Variants in FANCB observed in about 807,000 individuals in gnomAD.
FANCB encodes the protein Fanconi anemia group B protein.
In FANCB, 5 loss-of-function variants were observed where a neutral mutation model predicts 38.9. That is an observed-to-expected ratio of 0.13 (90% CI 0.07 to 0.27). The LOEUF (loss-of-function observed/expected upper bound fraction) is 0.27, where lower values mean the gene tolerates loss of function less well. Among genes scored for constraint, FANCB ranks in the 10% least tolerant of loss-of-function variants. The pLI is 1.00. For synonymous variants in FANCB, 236 were observed against 215.4 expected, an observed-to-expected ratio of 1.10 and a Z score of -0.84; for missense variants, 573 against 602.7, an observed-to-expected ratio of 0.95 and a Z score of 0.52.
the FANCB span, among the ~76,000 whole-genome samples, chrX:14,709,265 C>A: frequency 9.0e-6 from 1 of 111,093 alleles, no homozygotes; most frequent in East Asian, 2.8e-4. Flanking sequence ...GCTACAGACC[C>A]CCCATCATGT....
chrX:14,864,931 C>G lies in FANCB; in HGVS notation c.580G>C (p.Glu194Gln). 8.3e-7 allele frequency: 1 copy of G among 1,209,607 alleles called. No homozygotes were observed. The highest frequency in any genetic ancestry group is 1.1e-6 in the Non-Finnish European group (1 of 893,527). ...LGLKECCLSE[E>Q]ECTQEPSKSD... ...TTTGAAGGCTCTTGAGTACATTCTTCCTCAGATAAACAACATTCCTTTAGT... is the reference window on the plus strand; with the variant it reads ...TTTGAAGGCTCTTGAGTACATTCTTGCTCAGATAAACAACATTCCTTTAGT... The change falls in exon 3 of 10, where the codon GAA becomes CAA. Residue 194 changes from glutamate to glutamine, a missense_variant. Transcript: ENST00000650831.
the FANCB span, among the ~76,000 whole-genome samples, chrX:14,810,879 T>C: frequency 3.6e-5 from 4 of 111,009 alleles, no homozygotes; most frequent in Non-Finnish European, 7.6e-5. Context: ...TTCACCAAAA[T>C]TGAAATGAAG....
chrX:14,836,992 G>A (rs1477107804), intron 10 of FANCB, among the ~76,000 whole-genome samples: 1 of 111,615 alleles, frequency 9.0e-6, no homozygotes, highest in Non-Finnish European at 1.9e-5. Flanking sequence ...AATTTATCTG[G>A]CACCTAGATG....
chrX:14,867,641 G>A (rs961179575), intron 2 of FANCB, among the ~76,000 whole-genome samples: 1 of 109,825 alleles, frequency 9.1e-6, no homozygotes, highest in Non-Finnish European at 1.9e-5. Context: ...AAAACATAGG[G>A]GAAACATTTT....
the FANCB span, among the ~76,000 whole-genome samples, chrX:14,741,850 T>C: frequency 9.0e-6 from 1 of 111,730 alleles, no homozygotes; most frequent in Non-Finnish European, 1.9e-5. Flanking sequence ...TTTCCTGGGT[T>C]AGATTTTTTT....
chrX:14,790,776 A>C, the FANCB span, among the ~76,000 whole-genome samples: 7 of 111,248 alleles, frequency 6.3e-5, no homozygotes, highest in Non-Finnish European at 1.3e-4. Context: ...ATCCCACAAG[A>C]GTGTTGGTCA....
At chrX:14,779,125 G>T in the FANCB span, among the ~76,000 whole-genome samples, 3 of 111,910 alleles carry the variant, frequency 2.7e-5, no homozygotes, top group Non-Finnish European at 5.6e-5. Flanking sequence ...GAGTTCCTCT[G>T]CATGATCAGG....
At chrX:14,822,712 G>A in the FANCB span, among the ~76,000 whole-genome samples, 126 of 111,538 alleles carry the variant, frequency 1.1e-3, 1 homozygote, top group Admixed American at 2.9e-4. Flanking sequence ...AAAGGGTTCC[G>A]GTATTAATTT....
rs762895685 is a variant in FANCB, at chrX:14,862,659, TA to T, written c.951+1900del. On this transcript the variant is annotated intron_variant, in intron 3 of 9. Coordinates refer to ENST00000650831, the MANE Select transcript of FANCB (RefSeq NM_001018113.3). ...CCCTGGCTTTTGTCTAACAGTAATA[TA>T]ACAGAGTAATAGCTACTACTAACTG... 3.0e-3 allele frequency among the ~76,000 whole-genome samples: 338 copies of T among 112,228 alleles called. 1 individual carries two copies. The highest frequency in any genetic ancestry group is 9.9e-3 in the African/African-American group (306 of 30,879).
the FANCB span, among the ~76,000 whole-genome samples, chrX:14,816,246 C>A: frequency 9.0e-6 from 1 of 111,190 alleles, no homozygotes; most frequent in Non-Finnish European, 1.9e-5. Flanking sequence ...GAAATCTTGG[C>A]AAATATTAGT....
chrX:14,738,845 C>T, the FANCB span, among the ~76,000 whole-genome samples: 1 of 111,763 alleles, frequency 8.9e-6, no homozygotes, highest in Non-Finnish European at 1.9e-5. Flanking sequence ...ATTCTAAAAG[C>T]GAAATTTCCA....
chrX:14,799,141 C>T, the FANCB span, among the ~76,000 whole-genome samples: 3 of 112,023 alleles, frequency 2.7e-5, no homozygotes, highest in Non-Finnish European at 5.6e-5. Context: ...CAGAAATGTT[C>T]ATGATTATTC....
chrX:14,756,473 A>C, the FANCB span, among the ~76,000 whole-genome samples: 1 of 112,250 alleles, frequency 8.9e-6, no homozygotes, highest in Non-Finnish European at 1.9e-5. Flanking sequence ...ATAGAAAAAT[A>C]ACAATAACAA....
chrX:14,781,068 G>T, the FANCB span, among the ~76,000 whole-genome samples: 2 of 109,972 alleles, frequency 1.8e-5, no homozygotes, highest in Non-Finnish European at 3.8e-5. Flanking sequence ...AACAAAGTAT[G>T]TGTTGCTGAG....
At chrX:14,857,718 G>A (rs190999082) in intron 5 of FANCB, 144 bp downstream of exon 5, 254 of 500,541 alleles carry the variant, frequency 5.1e-4, no homozygotes, top group Non-Finnish European at 8.4e-4. Flanking sequence ...TTGTACAGAG[G>A]TGCCAAAAAG....
At chrX:14,850,221 G>A (rs778468207) in intron 7 of FANCB, among the ~76,000 whole-genome samples, 2 of 111,064 alleles carry the variant, frequency 1.8e-5, no homozygotes, top group African/African-American at 3.3e-5. Flanking sequence ...ATGATGGTGC[G>A]TGCCTGTAAT....
the FANCB span, among the ~76,000 whole-genome samples, chrX:14,737,616 C>T: frequency 8.9e-6 from 1 of 111,846 alleles, no homozygotes; most frequent in East Asian, 2.8e-4. Flanking sequence ...AGAGAACTGA[C>T]TGGAAGTAAT....
the FANCB span, among the ~76,000 whole-genome samples, chrX:14,723,168 G>C: frequency 8.9e-6 from 1 of 111,858 alleles, no homozygotes; most frequent in Admixed American, 9.5e-5. Flanking sequence ...GTATCTATTC[G>C]AATGTCTCAA....
In FANCB at chrX:14,843,867, T is replaced by A. The variant is rs1025182355; in HGVS notation, c.2280A>T (p.Ala760=). Residue 760 remains alanine, a synonymous_variant, in exon 10 of 10, where the codon GCA becomes GCT. Coordinates refer to ENST00000650831, the MANE Select transcript of FANCB (RefSeq NM_001018113.3). ...GSENFLIDNM[A]FTLEKELVTL... ...TGACTAGTTCCTTCTCCAAAGTAAA[T>A]GCCATATTATCAATTAGGAAATTCT... 5 of 1,206,541 alleles carry A rather than the reference T, an allele frequency of 4.1e-6. No individual in the cohort carries two copies. Among genetic ancestry groups the A allele is most frequent in the Non-Finnish European group, 5.6e-6 (5 of 893,301 alleles).
Sources: gnomAD v4.1 joint callset for allele counts (sites outside exome capture counted in the v4.1 genomes callset) on GRCh38, gnomAD v4.1.1 for gene constraint, MANE v1.5 for transcripts, NCBI Gene and HGNC (gene_info 2026-07-23, HGNC 2026-07-21) for gene names.